Variants in XKR4 observed in about 807,000 individuals in gnomAD.
XKR4 encodes the protein XK-related protein 4.
XKR4 carries 12 observed loss-of-function variants against 53.9 expected under a neutral mutation model. The observed-to-expected ratio is 0.22, with a 90% confidence interval of 0.14 to 0.36. The LOEUF (loss-of-function observed/expected upper bound fraction) is 0.36, where lower values mean the gene tolerates loss of function less well. XKR4 is among the 10% of genes least tolerant of loss of function. XKR4 has a pLI of 1.00. For synonymous variants in XKR4, 354 were observed against 362.4 expected, an observed-to-expected ratio of 0.98 and a Z score of 0.26; for missense variants, 799 against 859.5, an observed-to-expected ratio of 0.93 and a Z score of 0.88.
chr8:55,485,222 A>C (rs10107023), intron 2 of XKR4, among the ~76,000 whole-genome samples: 52,395 of 152,100 alleles, frequency 0.34, 10,963 homozygotes, highest in African/African-American at 0.6. Flanking sequence ...CTCTGTGGCC[A>C]CTGTTATTCA....
chr8:55,281,166 G>A (rs767995906), intron 1 of XKR4, among the ~76,000 whole-genome samples: 1 of 152,144 alleles, frequency 6.6e-6, no homozygotes, highest in Non-Finnish European at 1.5e-5. Context: ...TCCCTCTGCA[G>A]GAGCTGGGCA....
chr8:55,453,561 A>G, intron 2 of XKR4: 1 of 381,928 alleles, frequency 2.6e-6, no homozygotes. Context: ...CGGGGCCCTG[A>G]GGGCCCTGTG....
At chr8:55,214,811 T>A (rs1563484943) in intron 1 of XKR4, among the ~76,000 whole-genome samples, 1 of 152,198 alleles carries the variant, frequency 6.6e-6, no homozygotes. Flanking sequence ...AAGGAGCTTT[T>A]TGCTTGTCTC....
rs1231723801 is a variant in XKR4, at chr8:55,530,536, C to T, written c.*6309C>T. ...TGTAACCCATTCAATGATATTGTTG[C>T]CTAGTAAGCTGTGTGTGTGTTGTTT... On this transcript the variant is annotated 3_prime_UTR_variant, in exon 3 of 3. Coordinates refer to ENST00000327381, the MANE Select transcript of XKR4 (RefSeq NM_052898.2). 2 of 152,104 alleles carry T rather than the reference C, an allele frequency of 1.3e-5. No homozygotes were observed. Among genetic ancestry groups the T allele is most frequent in the African/African-American group, 4.8e-5 (2 of 41,426 alleles). The allele number at this position is 152,104 out of a possible 1,614,324, so 9.4% of individuals were successfully genotyped here. A position where few individuals can be genotyped will look rare whatever the true frequency, so the allele number is the denominator to read the frequency against.
At chr8:55,459,950 G>A (rs1456604771) in intron 2 of XKR4, among the ~76,000 whole-genome samples, 3 of 149,634 alleles carry the variant, frequency 2.0e-5, no homozygotes, top group Non-Finnish European at 3.0e-5. Flanking sequence ...AATGAAATAT[G>A]TCTACACACA....
At chr8:55,480,500 G>A (rs541092523) in intron 2 of XKR4, among the ~76,000 whole-genome samples, 207 of 152,272 alleles carry the variant, frequency 1.4e-3, no homozygotes, top group African/African-American at 4.8e-3. Flanking sequence ...ACAAGACAGG[G>A]ATGCCCTCTC....
chr8:55,512,655 A>G (rs1806646485), intron 2 of XKR4, among the ~76,000 whole-genome samples: 1 of 152,214 alleles, frequency 6.6e-6, no homozygotes, highest in Non-Finnish European at 1.5e-5. Flanking sequence ...TAGGTGTTCA[A>G]TAAACATTTA....
intron 2 of XKR4, among the ~76,000 whole-genome samples, chr8:55,464,772 A>G (rs1805729887): frequency 6.6e-6 from 1 of 152,190 alleles, no homozygotes; most frequent in African/African-American, 2.4e-5. Flanking sequence ...TAAGCTGATA[A>G]GCAACTTCAG....
rs542860085 is a variant in XKR4, at chr8:55,173,316, G to A, written c.806+70022G>A. ...CACTTTTTTTTTTTTAATTATTGTT[G>A]GTATGACCTTATTCCTTCCTACTTC... is the stretch of plus-strand genomic sequence containing the variant. On this transcript the variant is annotated intron_variant, in intron 1 of 2. Transcript: ENST00000327381. 7.1e-4 allele frequency among the ~76,000 whole-genome samples: 107 copies of A among 151,512 alleles called. 1 individual carries two copies. Among genetic ancestry groups the A allele is most frequent in the Admixed American group, 1.4e-3 (22 of 15,210 alleles).
At chr8:55,222,835 A>G (rs896392456) in intron 1 of XKR4, among the ~76,000 whole-genome samples, 3 of 149,980 alleles carry the variant, frequency 2.0e-5, no homozygotes, top group Non-Finnish European at 3.0e-5. Flanking sequence ...AAAGGAGGGG[A>G]TTTTTTTTTT....
intron 1 of XKR4, among the ~76,000 whole-genome samples, chr8:55,143,568 G>T (rs935004000): frequency 7.2e-5 from 11 of 152,124 alleles, no homozygotes; most frequent in Admixed American, 6.5e-5. Context: ...TAGAAGAAAA[G>T]GAATCATTAT....
chr8:55,417,503 T>C (rs1030194668), intron 2 of XKR4, among the ~76,000 whole-genome samples: 1 of 152,140 alleles, frequency 6.6e-6, no homozygotes, highest in Non-Finnish European at 1.5e-5. Flanking sequence ...GATCCACATA[T>C]AGATTTAGAG....
intron 1 of XKR4, among the ~76,000 whole-genome samples, chr8:55,338,095 G>C (rs1803489673): frequency 1.3e-5 from 2 of 152,192 alleles, no homozygotes; most frequent in African/African-American, 4.8e-5. Context: ...TAAAACTTTT[G>C]TCAGGCATTG....
intron 1 of XKR4, among the ~76,000 whole-genome samples, chr8:55,238,299 C>T (rs1442394194): frequency 6.6e-6 from 1 of 152,144 alleles, no homozygotes; most frequent in African/African-American, 2.4e-5. Context: ...ATCTTCCAGC[C>T]AGCAGGGAGA....
chr8:55,434,203 TA>T (rs1330467384), intron 2 of XKR4, among the ~76,000 whole-genome samples: 1 of 152,234 alleles, frequency 6.6e-6, no homozygotes, highest in African/African-American at 2.4e-5. Context: ...ACCCAGAATG[TA>T]AATCTACAGC....
At chr8:55,166,441 T>C (rs1353087234) in intron 1 of XKR4, among the ~76,000 whole-genome samples, 2 of 152,236 alleles carry the variant, frequency 1.3e-5, no homozygotes, top group African/African-American at 2.4e-5. Flanking sequence ...GCACCTACTA[T>C]GTGTCACACA....
At chr8:55,239,121 C>T (rs1291430351) in intron 1 of XKR4, among the ~76,000 whole-genome samples, 2 of 152,128 alleles carry the variant, frequency 1.3e-5, no homozygotes, top group Admixed American at 6.5e-5. Flanking sequence ...TTTTAACATC[C>T]TTTGTTCTCC....
At chr8:55,286,227 A>G (rs1447343307) in intron 1 of XKR4, among the ~76,000 whole-genome samples, 1 of 152,246 alleles carries the variant, frequency 6.6e-6, no homozygotes, top group Non-Finnish European at 1.5e-5. Flanking sequence ...AGATCTTCTC[A>G]GACATAATGA....
intron 2 of XKR4, among the ~76,000 whole-genome samples, chr8:55,437,291 A>G (rs1805190584): frequency 6.6e-6 from 1 of 152,122 alleles, no homozygotes; most frequent in Non-Finnish European, 1.5e-5. Context: ...CCTTGGCCTC[A>G]AAATGCTGGG....
Sources: allele counts gnomAD v4.1 joint callset (sites outside exome capture counted in the v4.1 genomes callset), GRCh38; gene constraint gnomAD v4.1.1; transcripts MANE v1.5; gene names NCBI Gene and HGNC (gene_info 2026-07-23, HGNC 2026-07-21).